The following PEAK1 variants were observed in gnomAD, a reference collection of about 807,000 sequenced individuals.
PEAK1 encodes inactive tyrosine-protein kinase PEAK1.
In PEAK1, 54 loss-of-function variants were observed where a neutral mutation model predicts 124.7. The observed-to-expected ratio is 0.43, with a 90% CI of 0.35 to 0.54. The LOEUF (loss-of-function observed/expected upper bound fraction) is 0.54, where lower values mean the gene tolerates loss of function less well. PEAK1 is among the 20% of genes least tolerant of loss of function. PEAK1 has a pLI of 0.01. For missense variants in PEAK1, 2,046 were observed against 2,134.5 expected, an observed-to-expected ratio of 0.96 and a Z score of 0.82; for synonymous variants, 719 against 760.0, an observed-to-expected ratio of 0.95 and a Z score of 0.89.
At chr15:77,400,309 A>G (rs1408023289) in intron 1 of PEAK1, among the ~76,000 whole-genome samples, 1 of 152,178 alleles carries the variant, frequency 6.6e-6, no homozygotes, top group Admixed American at 6.5e-5. Flanking sequence ...TCCCATTCTC[A>G]GGTATATACC....
At chr15:77,350,094 C>G (rs893517919) in intron 2 of PEAK1, 1 of 985,256 alleles carries the variant, frequency 1.0e-6, no homozygotes, top group Admixed American at 6.2e-5. Flanking sequence ...ATAATAAGAG[C>G]ATACCCCCAA....
intron 6 of PEAK1, among the ~76,000 whole-genome samples, chr15:77,191,859 G>A (rs2057849298): frequency 1.3e-5 from 2 of 152,122 alleles, no homozygotes; most frequent in Non-Finnish European, 2.9e-5. Context: ...GGGCTGATGT[G>A]AGAGGCTAAA....
chr15:77,375,962 G>A (rs1433090486), intron 1 of PEAK1, among the ~76,000 whole-genome samples: 1 of 151,798 alleles, frequency 6.6e-6, no homozygotes, highest in East Asian at 1.9e-4. Context: ...TCGCGCCACT[G>A]CACTCCAGCC....
At chr15:77,390,995 G>C (rs918172096) in intron 1 of PEAK1, among the ~76,000 whole-genome samples, 1 of 152,194 alleles carries the variant, frequency 6.6e-6, no homozygotes, top group Non-Finnish European at 1.5e-5. Context: ...CCCTAGGACT[G>C]TGAGGGTGCA....
intron 5 of PEAK1, among the ~76,000 whole-genome samples, chr15:77,258,039 G>C (rs1397692155): frequency 2.0e-5 from 3 of 152,134 alleles, no homozygotes; most frequent in African/African-American, 7.2e-5. Context: ...GATAGTTGTA[G>C]ACATGCGGTG....
intron 2 of PEAK1, among the ~76,000 whole-genome samples, chr15:77,325,442 T>TAAAC (rs1388916660): frequency 1.3e-5 from 2 of 149,574 alleles, no homozygotes; most frequent in East Asian, 3.9e-4. Context: ...AATAAATAAA[T>TAAAC]AAATAAATAA....
chr15:77,127,384 T>A (rs561913726), intron 9 of PEAK1, among the ~76,000 whole-genome samples: 1 of 152,322 alleles, frequency 6.6e-6, no homozygotes, highest in African/African-American at 2.4e-5. Context: ...AAAAATACTT[T>A]AAAAGGTAGA....
At chr15:77,165,840 A>C (rs1443034145) in intron 7 of PEAK1, among the ~76,000 whole-genome samples, 1 of 152,190 alleles carries the variant, frequency 6.6e-6, no homozygotes, top group Non-Finnish European at 1.5e-5. Context: ...GATTGAAAGA[A>C]GTTAAATCAA....
At chr15:77,391,779 T>A (rs549439733) in intron 1 of PEAK1, among the ~76,000 whole-genome samples, 84 of 152,302 alleles carry the variant, frequency 5.5e-4, no homozygotes, top group African/African-American at 2.0e-3. Context: ...ACTACCAGTG[T>A]GCAAACTAAT....
chr15:77,211,465 T>C (rs2058900741), intron 6 of PEAK1, among the ~76,000 whole-genome samples: 1 of 152,156 alleles, frequency 6.6e-6, no homozygotes, highest in Non-Finnish European at 1.5e-5. Context: ...GGCTAAATAA[T>C]GTTGATTTAT....
intron 9 of PEAK1, among the ~76,000 whole-genome samples, chr15:77,132,247 A>T (rs2052928205): frequency 6.6e-6 from 1 of 151,190 alleles, no homozygotes; most frequent in South Asian, 2.1e-4. Context: ...CATTTGGCTA[A>T]TTTTTTCTAT....
At chr15:77,268,714 C>T (rs1055796367) in intron 5 of PEAK1, among the ~76,000 whole-genome samples, 3 of 152,044 alleles carry the variant, frequency 2.0e-5, no homozygotes, top group African/African-American at 7.2e-5. Context: ...ACATAGTCAT[C>T]AGGTTATCTA....
At chr15:77,403,348 G>A in intron 1 of PEAK1, 1 of 932,286 alleles carries the variant, frequency 1.1e-6, no homozygotes, top group Non-Finnish European at 1.3e-6. Flanking sequence ...CATATTTTTA[G>A]AAATATATTT....
intron 2 of PEAK1, among the ~76,000 whole-genome samples, chr15:77,345,612 C>A (rs566296829): frequency 2.0e-5 from 3 of 152,120 alleles, no homozygotes; most frequent in Non-Finnish European, 1.5e-5. Context: ...GATAACACTG[C>A]GGCATACATC....
chr15:77,275,368 T>C (rs1437434790), intron 5 of PEAK1, among the ~76,000 whole-genome samples: 2 of 152,160 alleles, frequency 1.3e-5, no homozygotes, highest in Non-Finnish European at 2.9e-5. Flanking sequence ...TAACGTACAG[T>C]CAATCCTTAA....
At chr15:77,157,254 A>G (rs937992991) in intron 8 of PEAK1, 1 of 152,228 alleles carries the variant, frequency 6.6e-6, no homozygotes, top group Non-Finnish European at 1.5e-5. Flanking sequence ...AAAAACTTCA[A>G]TGATAGATGC....
chr15:77,218,689 C>A (rs867857690), intron 6 of PEAK1, among the ~76,000 whole-genome samples: 6 of 152,034 alleles, frequency 3.9e-5, no homozygotes, highest in African/African-American at 1.4e-4. Context: ...CTCAAGTGAT[C>A]CTCCTGCCTC....
chr15:77,290,495 C>T (rs1438906122), intron 2 of PEAK1, among the ~76,000 whole-genome samples: 3 of 152,120 alleles, frequency 2.0e-5, no homozygotes, highest in African/African-American at 7.2e-5. Context: ...TCAAGTGATA[C>T]ACCCGCTTCA....
chr15:77,342,747 A>G (rs1169035527), intron 2 of PEAK1, among the ~76,000 whole-genome samples: 4 of 152,090 alleles, frequency 2.6e-5, no homozygotes, highest in African/African-American at 4.8e-5. Context: ...TTCACTTAGC[A>G]TAATGTCTTC....
Sources: allele counts gnomAD v4.1 joint callset (sites outside exome capture counted in the v4.1 genomes callset), GRCh38; gene constraint gnomAD v4.1.1; transcripts MANE v1.5; gene names NCBI Gene and HGNC (gene_info 2026-07-23, HGNC 2026-07-21).